Variants in TPP2 observed in about 807,000 individuals in gnomAD.
TPP2 encodes the protein tripeptidyl peptidase 2, also known as tripeptidyl-peptidase 2.
A neutral mutation model predicts 155.9 loss-of-function variants in TPP2; 34 were observed. The ratio of observed to expected loss-of-function variants is 0.22; its 90% CI spans 0.17 to 0.29. The LOEUF (loss-of-function observed/expected upper bound fraction) is 0.29, where lower values mean the gene tolerates loss of function less well. TPP2 is among the 10% of genes least tolerant of loss of function. The probability of loss-of-function intolerance (pLI) is 1.00; values close to 1 mark genes in which losing one functional copy is unlikely to be tolerated. For synonymous variants in TPP2, 510 were observed against 529.4 expected (o/e 0.96, Z 0.50); for missense variants, 1,028 against 1,522.3 (o/e 0.68, Z 5.40).
intron 5 of TPP2, among the ~76,000 whole-genome samples, chr13:102,621,666 A>G (rs1013468557): frequency 1.6e-4 from 25 of 152,268 alleles, no homozygotes; most frequent in African/African-American, 5.8e-4. Flanking sequence ...GCAGGAGTCA[A>G]ATGTAGGGGC....
intron 25 of TPP2, among the ~76,000 whole-genome samples, chr13:102,658,082 A>G (rs914622029): frequency 6.6e-6 from 1 of 152,190 alleles, no homozygotes; most frequent in East Asian, 1.9e-4. Context: ...GCTTTTCTGT[A>G]CTTGCCACAG....
intron 25 of TPP2, among the ~76,000 whole-genome samples, chr13:102,659,773 A>G (rs987929000): frequency 2.6e-5 from 4 of 152,264 alleles, no homozygotes; most frequent in East Asian, 3.8e-4. Flanking sequence ...GAGTGGGGAA[A>G]GAAACACTGG....
intron 3 of TPP2, among the ~76,000 whole-genome samples, chr13:102,615,979 CAG>C (rs779109296): frequency 1.3e-5 from 2 of 149,626 alleles, no homozygotes; most frequent in African/African-American, 2.5e-5. Flanking sequence ...CTCTTTGAGA[CAG>C]AGTCTTACTC....
At chr13:102,626,099 C>G (rs1280017591) in intron 6 of TPP2, among the ~76,000 whole-genome samples, 1 of 152,170 alleles carries the variant, frequency 6.6e-6, no homozygotes, top group Admixed American at 6.5e-5. Flanking sequence ...TCCCATCATG[C>G]CCCTTCCTAA....
intron 4 of TPP2, among the ~76,000 whole-genome samples, chr13:102,618,483 G>A (rs1566328106): frequency 2.0e-5 from 3 of 152,196 alleles, no homozygotes; most frequent in African/African-American, 7.2e-5. Context: ...CCTAGTGAGT[G>A]AATAAATGAG....
intron 16 of TPP2, 95 bp from the exon 17 acceptor site, chr13:102,643,127 T>A (rs1882878175): frequency 1.7e-6 from 2 of 1,175,430 alleles, no homozygotes; most frequent in Admixed American, 3.7e-5. Flanking sequence ...TGTCCCTACA[T>A]GGGAATTATC....
chr13:102,652,400 A>C (rs1883561153), intron 24 of TPP2, among the ~76,000 whole-genome samples: 2 of 752 alleles, frequency 2.7e-3, no homozygotes, highest in Non-Finnish European at 4.7e-3. Flanking sequence ...ATACATACAT[A>C]TATATATATA....
chr13:102,646,549 A>G (rs896246859), intron 20 of TPP2, among the ~76,000 whole-genome samples, 159 bp downstream of exon 20: 1 of 152,212 alleles, frequency 6.6e-6, no homozygotes, highest in East Asian at 1.9e-4. Context: ...GGAAATTATA[A>G]TTTGTAATTA....
intron 4 of TPP2, among the ~76,000 whole-genome samples, chr13:102,616,993 C>A (rs911435964): frequency 6.6e-6 from 1 of 150,392 alleles, no homozygotes; most frequent in Non-Finnish European, 1.5e-5. Flanking sequence ...TCATTGCAAC[C>A]TCTGCCTTCC....
chr13:102,676,831 A>G (rs1316104634), intron 29 of TPP2, among the ~76,000 whole-genome samples: 1 of 152,234 alleles, frequency 6.6e-6, no homozygotes, highest in Non-Finnish European at 1.5e-5. Flanking sequence ...TTATCTTACC[A>G]TATACAATAT....
chr13:102,649,523 T>TA (rs764079593), intron 23 of TPP2, 37 bp downstream of exon 23: 515 of 1,541,642 alleles, frequency 3.3e-4, no homozygotes, highest in Non-Finnish European at 4.2e-4. Context: ...AATTACCTAT[T>TA]AAAAAATTTC....
intron 1 of TPP2, among the ~76,000 whole-genome samples, chr13:102,601,902 G>A (rs376663686): frequency 2.6e-5 from 4 of 152,198 alleles, no homozygotes; most frequent in Non-Finnish European, 5.9e-5. Flanking sequence ...GAAAATTTGT[G>A]TGTGTAGGAG....
chr13:102,620,528 A>T (rs1028354171), intron 5 of TPP2, among the ~76,000 whole-genome samples: 1 of 152,194 alleles, frequency 6.6e-6, no homozygotes. Context: ...CTGTCTGCAG[A>T]TGTTCTCATT....
chr13:102,626,892 T>C (rs1566335978), intron 6 of TPP2, 120 bp from the exon 7 acceptor site: 22 of 1,046,484 alleles, frequency 2.1e-5, no homozygotes, highest in Non-Finnish European at 2.6e-5. Context: ...TTGCTCTCCA[T>C]GAACAGGGTA....
rs576179355 is a variant in TPP2, at chr13:102,598,739, G to A, written c.165+1536G>A. ...AAGAGGGTCAGAAAAGTTTGGAGAAGTGCTGCTTGGTAGAATTTGTTGGTA... is the reference window on the plus strand; with the variant it reads ...AAGAGGGTCAGAAAAGTTTGGAGAAATGCTGCTTGGTAGAATTTGTTGGTA... On this transcript the variant is annotated intron_variant, in intron 1 of 29. Transcript: ENST00000376052. Among the ~76,000 whole-genome samples, 5 of 152,280 alleles carry A rather than the reference G, an allele frequency of 3.3e-5. No homozygotes were observed. The South Asian group carries it at 6.2e-4, about 19-fold the overall frequency.
chr13:102,600,476 C>T (rs1258945922), intron 1 of TPP2, among the ~76,000 whole-genome samples: 1 of 152,030 alleles, frequency 6.6e-6, no homozygotes, highest in Non-Finnish European at 1.5e-5. Flanking sequence ...CCCAATCCCT[C>T]CTAAGAGTTA....
intron 23 of TPP2, 99 bp from the exon 24 acceptor site, chr13:102,651,260 C>A: frequency 7.3e-7 from 1 of 1,371,604 alleles, no homozygotes; most frequent in Non-Finnish European, 1.0e-6. Flanking sequence ...TGGTGTAACA[C>A]AGGTGGAACA....
At chr13:102,638,954 A>G (rs908342728) in intron 15 of TPP2, among the ~76,000 whole-genome samples, 5 of 152,136 alleles carry the variant, frequency 3.3e-5, no homozygotes, top group African/African-American at 1.2e-4. Context: ...ATTTTGGCCA[A>G]CTCACTGATT....
chr13:102,612,653 G>A (rs955203445), intron 2 of TPP2, among the ~76,000 whole-genome samples: 1 of 152,076 alleles, frequency 6.6e-6, no homozygotes, highest in African/African-American at 2.4e-5. Context: ...GATTTTTTTG[G>A]TGTAATTTTT....
Sources: allele counts gnomAD v4.1 joint callset (sites outside exome capture counted in the v4.1 genomes callset), GRCh38; gene constraint gnomAD v4.1.1; transcripts MANE v1.5; gene names NCBI Gene and HGNC (gene_info 2026-07-23, HGNC 2026-07-21).